The following TSPEAR variants were observed in gnomAD, a reference collection of about 807,000 sequenced individuals.
TSPEAR encodes the protein thrombospondin-type laminin G domain and EAR repeat-containing protein.
A neutral mutation model predicts 71.6 loss-of-function variants in TSPEAR; 69 were observed. The ratio of observed to expected loss-of-function variants is 0.96; its 90% CI spans 0.79 to 1.18. The LOEUF (loss-of-function observed/expected upper bound fraction) is 1.18, where lower values mean the gene tolerates loss of function less well. Among genes scored for constraint, TSPEAR ranks in the 50% most tolerant of loss-of-function variants. The pLI is 0.00. For synonymous variants in TSPEAR, 402 were observed against 387.2 expected (o/e 1.04, Z -0.45); for missense variants, 971 against 894.9 (o/e 1.09, Z -1.09).
chr21:44,654,269 C>T (rs1555942028), intron 1 of TSPEAR: 2 of 1,612,592 alleles, frequency 1.2e-6, no homozygotes, highest in Middle Eastern at 1.7e-4. Context: ...CATAGGAGGC[C>T]ACCTGCTCAG....
chr21:44,555,604 G>T (rs1177589925), intron 2 of TSPEAR, among the ~76,000 whole-genome samples: 2 of 152,204 alleles, frequency 1.3e-5, no homozygotes, highest in African/African-American at 4.8e-5. Context: ...GGATCTGGGA[G>T]CCCTAGTGTG....
intron 1 of TSPEAR, among the ~76,000 whole-genome samples, chr21:44,661,835 A>C (rs1194642628): frequency 6.6e-6 from 1 of 152,162 alleles, no homozygotes; most frequent in Non-Finnish European, 1.5e-5. Flanking sequence ...TCACTGTCGC[A>C]AGGACAGCAC....
intron 1 of TSPEAR, chr21:44,575,112 A>G (rs1555923753): frequency 8.6e-7 from 1 of 1,160,468 alleles, no homozygotes; most frequent in African/African-American, 1.6e-5. Flanking sequence ...CACTTTGACC[A>G]TTTCCTGGTG....
chr21:44,507,383 C>T (rs915664951), intron 10 of TSPEAR, among the ~76,000 whole-genome samples: 2 of 152,190 alleles, frequency 1.3e-5, no homozygotes, highest in African/African-American at 4.8e-5. Flanking sequence ...AACCCCTCAG[C>T]GCCCTTGAAT....
chr21:44,697,014 C>A (rs1474342268), intron 1 of TSPEAR, among the ~76,000 whole-genome samples: 4 of 139,232 alleles, frequency 2.9e-5, no homozygotes, highest in African/African-American at 1.0e-4. Flanking sequence ...CCTTCCCATC[C>A]AGCACCCAGA....
At chr21:44,502,811 G>A (rs1490621498) in intron 11 of TSPEAR, among the ~76,000 whole-genome samples, 1 of 149,896 alleles carries the variant, frequency 6.7e-6, no homozygotes, top group Non-Finnish European at 1.5e-5. Context: ...CCCCCGGGGG[G>A]AAGCAAGGCT....
intron 1 of TSPEAR, among the ~76,000 whole-genome samples, chr21:44,672,526 C>T (rs782532843): frequency 1.7e-4 from 26 of 152,080 alleles, no homozygotes; most frequent in Admixed American, 2.6e-4. Flanking sequence ...GCAGAGATGG[C>T]GCCACTGCAC....
chr21:44,585,742 G>A (rs1472126840), intron 1 of TSPEAR, among the ~76,000 whole-genome samples: 1 of 152,002 alleles, frequency 6.6e-6, no homozygotes, highest in Admixed American at 6.6e-5. Flanking sequence ...TCTCCTTTTT[G>A]GTAGCACTCT....
chr21:44,677,810 A>G, intron 1 of TSPEAR: 4 of 1,278,230 alleles, frequency 3.1e-6, no homozygotes, highest in Non-Finnish European at 4.5e-6. Flanking sequence ...TATAAGGTGC[A>G]GAACCAAGAA....
At position 44,509,320 on chromosome 21, in the gene TSPEAR, T is replaced by TTC. The variant is rs1555912310; in HGVS notation, c.1632_1633insGA (p.Ser545GlufsTer25). ...TGCATCTCCACATCGTAGCTGTGAC[T>TTC]GTTTGCCACAGCGAGGAAGATCCTC... On this transcript the variant is annotated frameshift_variant, in exon 10 of 12. Coordinates refer to ENST00000323084, the MANE Select transcript of TSPEAR (RefSeq NM_144991.3). LOFTEE classifies it high-confidence loss of function. 6.2e-7 allele frequency: 1 copy of TTC among 1,613,954 alleles called. No individual in the cohort carries two copies.
intron 1 of TSPEAR, among the ~76,000 whole-genome samples, chr21:44,632,080 T>TAACTAC (rs1555935821): frequency 6.6e-6 from 1 of 152,178 alleles, no homozygotes; most frequent in Non-Finnish European, 1.5e-5. Context: ...CACGTGTATT[T>TAACTAC]AACTACAATA....
chr21:44,672,624 A>G (rs1986116369), intron 1 of TSPEAR, among the ~76,000 whole-genome samples: 1 of 152,176 alleles, frequency 6.6e-6, no homozygotes, highest in Non-Finnish European at 1.5e-5. Flanking sequence ...AAATTTCCCT[A>G]GTCTAGCAAG....
Position 44,527,474 on chromosome 21 carries a change from T to G in TSPEAR, c.967A>C (p.Thr323Pro). 1.2e-6 allele frequency: 2 copies of G among 1,614,206 alleles called. No homozygotes were observed. Among genetic ancestry groups the G allele is most frequent in the Admixed American group, 1.7e-5 (1 of 60,030 alleles). ...TCAATGCCCAGGGTCTCTGAGTTGG[T>G]GGACAAGTTCTGATGCTCCTCCACG... ...DYVEEHQNLSTNSETLGIEVF... is the reference protein window; with the variant it reads ...DYVEEHQNLSPNSETLGIEVF... The change falls in exon 7 of 12, where the codon ACC becomes CCC. Residue 323 changes from threonine to proline, a missense_variant. Transcript: ENST00000323084.
intron 1 of TSPEAR, among the ~76,000 whole-genome samples, chr21:44,696,245 T>C (rs1405723657): frequency 6.6e-6 from 1 of 152,194 alleles, no homozygotes; most frequent in Non-Finnish European, 1.5e-5. Context: ...CACACCGCCA[T>C]GTCTAAACCA....
Position 44,534,050 on chromosome 21 carries a change from G to A in TSPEAR, c.304-127C>T, listed in dbSNP as rs587653833. The A allele has an allele frequency of 2.6e-4, 181 of 692,914 alleles. 2 individuals are homozygous for A. The highest frequency in any genetic ancestry group is 2.4e-3 in the South Asian group (142 of 58,260). 42.9% of individuals were successfully genotyped at this position (692,914 alleles called of 1,614,324 possible). Reference sequence around the variant, plus strand: ...AGGAGCAGGGGCTGACTGGAGGGGCGAGGTGAGGGGGCGCGGTGGATGGGA... The same window carrying A: ...AGGAGCAGGGGCTGACTGGAGGGGCAAGGTGAGGGGGCGCGGTGGATGGGA... On this transcript the variant is annotated intron_variant, in intron 2 of 11. Transcript: ENST00000323084.
In TSPEAR at chr21:44,642,188, A is replaced by G. The variant is rs1164763776; in HGVS notation, c.82+69245T>C. ...AAATATAAATTACCTACCCTGAGTA[A>G]CAAGACAAAAATTTTAATACAATGA... On this transcript the variant is annotated intron_variant, in intron 1 of 11. Transcript: ENST00000323084. This position sits in a 1 kb window ranked among gnomAD's most constrained non-coding sequence, Gnocchi z 4.1. Among the ~76,000 whole-genome samples, 1 of 152,208 alleles carries G rather than the reference A, an allele frequency of 6.6e-6. No homozygotes were observed. The highest frequency in any genetic ancestry group is 1.5e-5 in the Non-Finnish European group (1 of 68,044).
At chr21:44,654,461 C>A (rs1002764602) in intron 1 of TSPEAR, 1 of 1,613,968 alleles carries the variant, frequency 6.2e-7, no homozygotes, top group Admixed American at 1.7e-5. Flanking sequence ...CAGGTGGATA[C>A]CCCACACAGG....
At chr21:44,678,095 C>T (rs113325809) in intron 1 of TSPEAR, 40 of 645,514 alleles carry the variant, frequency 6.2e-5, no homozygotes, top group African/African-American at 1.8e-4. Context: ...ATCTGTCGAG[C>T]GGACGGTGCT....
chr21:44,543,322 ATAGAGT>A (rs1367684762), intron 2 of TSPEAR, among the ~76,000 whole-genome samples: 5 of 152,270 alleles, frequency 3.3e-5, no homozygotes, highest in African/African-American at 1.2e-4. Flanking sequence ...GAGGGGCTAC[ATAGAGT>A]TAAAGTGGCT....
Sources: gnomAD v4.1 joint callset for allele counts (sites outside exome capture counted in the v4.1 genomes callset) on GRCh38, gnomAD v4.1.1 for gene constraint, Gnocchi (gnomAD v3.1) non-coding constraint, MANE v1.5 for transcripts, NCBI Gene and HGNC (gene_info 2026-07-23, HGNC 2026-07-21) for gene names.